ESR1: variants seen among roughly 807,000 people sequenced by gnomAD.
ESR1 encodes estrogen receptor.
ESR1 carries 12 observed loss-of-function variants against 52.7 expected under a neutral mutation model. The observed-to-expected ratio is 0.23, with a 90% CI of 0.15 to 0.37. The LOEUF is 0.37. ESR1 is among the 10% of genes least tolerant of loss of function. The pLI, the probability that ESR1 is intolerant of heterozygous loss-of-function variation, is 1.00. For missense variants in ESR1, 584 were observed against 779.7 expected (o/e 0.75, Z 2.99); for synonymous variants, 305 against 316.8 (o/e 0.96, Z 0.39).
At chr6:151,991,534 T>C (rs1274529585) in intron 4 of ESR1, among the ~76,000 whole-genome samples, 1 of 151,878 alleles carries the variant, frequency 6.6e-6, no homozygotes, top group Non-Finnish European at 1.5e-5. Context: ...AACAAAACGA[T>C]GGCAGAGAAA....
chr6:151,675,061 G>T (rs1380777917), intron 1 of ESR1, among the ~76,000 whole-genome samples: 1 of 152,150 alleles, frequency 6.6e-6, no homozygotes, highest in African/African-American at 2.4e-5. Context: ...ATATAATATG[G>T]AGTTGAAGTT....
At chr6:152,005,220 A>G (rs981099951) in intron 4 of ESR1, among the ~76,000 whole-genome samples, 6 of 151,980 alleles carry the variant, frequency 3.9e-5, no homozygotes, top group African/African-American at 1.2e-4. Context: ...TTGGAGTGTA[A>G]TAAAACCCCA....
intron 5 of ESR1, among the ~76,000 whole-genome samples, chr6:152,029,988 C>A (rs1212860086): frequency 6.6e-6 from 1 of 152,144 alleles, no homozygotes; most frequent in East Asian, 1.9e-4. Context: ...GCCGATATTA[C>A]ACATTCTTAA....
intron 4 of ESR1, among the ~76,000 whole-genome samples, chr6:151,956,360 A>G (rs1164336830): frequency 1.3e-5 from 2 of 152,216 alleles, no homozygotes; most frequent in African/African-American, 2.4e-5. Context: ...CGTTCATTCT[A>G]CTGTACCAGT....
chr6:151,939,294 A>G (rs569860927), intron 3 of ESR1, among the ~76,000 whole-genome samples: 1 of 152,114 alleles, frequency 6.6e-6, no homozygotes, highest in African/African-American at 2.4e-5. Context: ...TGGTAGTTTG[A>G]CCTTTTGGCT....
chr6:151,670,585 TAA>T (rs35284610), intron 1 of ESR1, among the ~76,000 whole-genome samples: 11 of 151,412 alleles, frequency 7.3e-5, no homozygotes, highest in East Asian at 2.0e-4. Flanking sequence ...AGAAGGCACT[TAA>T]AAAAAAATTT....
chr6:151,803,612 G>T (rs768979278), upstream of ESR1, among the ~76,000 whole-genome samples: 21 of 152,122 alleles, frequency 1.4e-4, no homozygotes, highest in Non-Finnish European at 2.2e-4. Flanking sequence ...AAAAATCCAA[G>T]AAAGTAAACA....
chr6:152,030,456 A>C (rs930606044), intron 5 of ESR1, among the ~76,000 whole-genome samples: 1 of 152,140 alleles, frequency 6.6e-6, no homozygotes, highest in Non-Finnish European at 1.5e-5. Context: ...TACCAAGCAA[A>C]TGGAAAACAA....
chr6:151,937,776 C>T (rs959784597), intron 3 of ESR1, among the ~76,000 whole-genome samples: 6 of 152,162 alleles, frequency 3.9e-5, no homozygotes, highest in South Asian at 2.1e-4. Flanking sequence ...CAATGCTTTA[C>T]AGTCAATGAC....
chr6:151,719,480 G>T (rs3020339), intron 2 of ESR1, among the ~76,000 whole-genome samples: 1 of 151,906 alleles, frequency 6.6e-6, no homozygotes, highest in African/African-American at 2.4e-5. Context: ...CCAGTGTTAC[G>T]CCTTAAGGTG....
chr6:151,906,703 C>G (rs192563436), intron 3 of ESR1, among the ~76,000 whole-genome samples: 28 of 147,862 alleles, frequency 1.9e-4, no homozygotes, highest in African/African-American at 6.0e-4. Context: ...TAAATGTCAT[C>G]TAGTATGCAG....
At chr6:152,015,015 C>G (rs895751841) in intron 5 of ESR1, among the ~76,000 whole-genome samples, 2 of 152,024 alleles carry the variant, frequency 1.3e-5, no homozygotes, top group African/African-American at 4.8e-5. Flanking sequence ...TGCAGTGAGC[C>G]AAAATTGTGC....
chr6:151,700,059 C>T (rs376903831), intron 1 of ESR1, among the ~76,000 whole-genome samples: 3 of 148,100 alleles, frequency 2.0e-5, no homozygotes, highest in South Asian at 2.1e-4. Context: ...TTATTTAGAG[C>T]GAGACTAGAG....
chr6:151,778,275 A>G (rs1270466422), intron 2 of ESR1, among the ~76,000 whole-genome samples: 5 of 150,794 alleles, frequency 3.3e-5, no homozygotes, highest in African/African-American at 9.8e-5. Flanking sequence ...TGGGTACAAC[A>G]TTTCTGTTTG....
chr6:151,847,765 T>C (rs1252984065), intron 2 of ESR1, among the ~76,000 whole-genome samples: 1 of 136,548 alleles, frequency 7.3e-6, no homozygotes, highest in African/African-American at 2.8e-5. Flanking sequence ...TTTGTCAATT[T>C]TGGCTTTTGT....
chr6:151,990,692 G>A (rs964919690), intron 4 of ESR1, among the ~76,000 whole-genome samples: 1 of 152,132 alleles, frequency 6.6e-6, no homozygotes, highest in African/African-American at 2.4e-5. Flanking sequence ...CATTGTGGGA[G>A]GGAAGCTTGA....
rs1224199600 is a variant in ESR1 at position 152,102,559 on chromosome 6, C to G, written c.*3593C>G. 4.6e-6 allele frequency: 1 copy of G among 216,782 alleles called. No homozygotes were observed. The highest frequency in any genetic ancestry group is 6.8e-5 in the East Asian group (1 of 14,684). The allele number at this position is 216,782 out of a possible 1,614,324, so 13.4% of individuals were successfully genotyped here. On this transcript the variant is annotated 3_prime_UTR_variant, in exon 8 of 8. Coordinates refer to ENST00000206249, the MANE Select transcript of ESR1 (RefSeq NM_000125.4). ...CCCAAGTTAATCCCCTGAAAACTTACTCTCAACTGGAGCAAATGAACTTTG... is the reference window on the plus strand; with the variant it reads ...CCCAAGTTAATCCCCTGAAAACTTAGTCTCAACTGGAGCAAATGAACTTTG...
intron 1 of ESR1, among the ~76,000 whole-genome samples, chr6:151,663,609 A>AT (rs1041915304): frequency 1.3e-4 from 20 of 152,050 alleles, no homozygotes; most frequent in Middle Eastern, 3.4e-3. Flanking sequence ...AATATCATGC[A>AT]TTTTTTTTGT....
intron 2 of ESR1, among the ~76,000 whole-genome samples, chr6:151,760,735 C>G (rs1180734266): frequency 6.6e-6 from 1 of 152,212 alleles, no homozygotes; most frequent in Non-Finnish European, 1.5e-5. Flanking sequence ...AGTAAACGCA[C>G]TGCACATACT....
Sources: allele counts gnomAD v4.1 joint callset (sites outside exome capture counted in the v4.1 genomes callset), GRCh38; gene constraint gnomAD v4.1.1; transcripts MANE v1.5; gene names NCBI Gene and HGNC (gene_info 2026-07-23, HGNC 2026-07-21).